Variants in SLC35G2 observed in about 807,000 individuals in gnomAD.
SLC35G2 encodes solute carrier family 35 member G2, also known as transmembrane protein 22.
Under a neutral mutation model 27.2 loss-of-function variants are expected in SLC35G2, and 20 were observed. The observed-to-expected ratio is 0.74, with a 90% confidence interval of 0.52 to 1.07. The LOEUF is 1.07. Among genes scored for constraint, SLC35G2 ranks in the 50% least tolerant of loss-of-function variants. SLC35G2 has a pLI of 0.00. For missense variants in SLC35G2, 416 were observed against 493.3 expected, an observed-to-expected ratio of 0.84 and a Z score of 1.48; for synonymous variants, 148 against 165.3, an observed-to-expected ratio of 0.90 and a Z score of 0.80.
In SLC35G2 at chr3:136,838,284, A is replaced by ATATATATATATAT. The variant is rs1560013705; in HGVS notation, c.-18-16159_-18-16158insTATATATATATAT. On this transcript the variant is annotated intron_variant, in intron 1 of 1. Transcript: ENST00000446465. ...ATATATATATATATATATATATATA[A>ATATATATATATAT]ATGCACACACAACGTGTGTGTGCTT... 1.3e-4 allele frequency: 14 copies of ATATATATATATAT among 109,706 alleles called. 1 individual carries two copies. Among genetic ancestry groups the ATATATATATATAT allele is most frequent in the African/African-American group, 2.1e-4 (6 of 28,048 alleles). 6.8% of individuals were successfully genotyped at this position (109,706 alleles called of 1,614,324 possible). A position where few individuals can be genotyped will look rare whatever the true frequency, so the allele number is the denominator to read the frequency against.
chr3:136,843,892 C>T (rs1937228723), intron 1 of SLC35G2, among the ~76,000 whole-genome samples: 1 of 152,080 alleles, frequency 6.6e-6, no homozygotes, highest in South Asian at 2.1e-4. Context: ...TGAGATTGCC[C>T]CACTGCACTC....
intron 1 of SLC35G2, among the ~76,000 whole-genome samples, chr3:136,832,647 T>G (rs1936758781): frequency 6.6e-6 from 1 of 152,226 alleles, no homozygotes; most frequent in South Asian, 2.1e-4. Context: ...AAATACTGAC[T>G]GAATAAAGGA....
intron 1 of SLC35G2, among the ~76,000 whole-genome samples, chr3:136,831,045 A>G (rs1012588071): frequency 6.6e-6 from 1 of 152,204 alleles, no homozygotes; most frequent in African/African-American, 2.4e-5. Context: ...TACTTTAGGA[A>G]CTCAATGGAG....
chr3:136,852,513 G>T (rs1937706877), intron 1 of SLC35G2, among the ~76,000 whole-genome samples: 1 of 148,280 alleles, frequency 6.7e-6, no homozygotes, highest in Admixed American at 6.7e-5. Flanking sequence ...TTTTTTTTGA[G>T]ATGGAGTCTT....
intron 1 of SLC35G2, among the ~76,000 whole-genome samples, chr3:136,832,078 A>G (rs1936743277): frequency 6.6e-6 from 1 of 151,676 alleles, no homozygotes; most frequent in Admixed American, 6.6e-5. Context: ...CAGTGGCACG[A>G]TCTCGGCTCA....
chr3:136,833,952 T>C (rs1936799362), intron 1 of SLC35G2, among the ~76,000 whole-genome samples: 1 of 151,880 alleles, frequency 6.6e-6, no homozygotes, highest in Non-Finnish European at 1.5e-5. Flanking sequence ...TATACAATGC[T>C]ACTGTATATG....
intron 1 of SLC35G2, among the ~76,000 whole-genome samples, chr3:136,836,994 C>A (rs1936890999): frequency 6.6e-6 from 1 of 152,082 alleles, no homozygotes; most frequent in Admixed American, 6.6e-5. Context: ...CTGTTCAGGT[C>A]AGATTTTTCC....
At chr3:136,841,353 C>G (rs1937088711) in intron 1 of SLC35G2, among the ~76,000 whole-genome samples, 1 of 152,142 alleles carries the variant, frequency 6.6e-6, no homozygotes, top group Non-Finnish European at 1.5e-5. Flanking sequence ...ATAACAAGCT[C>G]ATGGATAGAA....
intron 1 of SLC35G2, among the ~76,000 whole-genome samples, chr3:136,832,868 A>G (rs1271430453): frequency 6.6e-6 from 1 of 152,162 alleles, no homozygotes; most frequent in African/African-American, 2.4e-5. Flanking sequence ...GGAGATCGAC[A>G]CCATCCTGGC....
In SLC35G2 at chr3:136,855,629, G is replaced by C; in HGVS notation, c.1169G>C (p.Gly390Ala). The C allele has an allele frequency of 6.2e-7, 1 of 1,613,572 alleles. No homozygotes were observed. The highest frequency in any genetic ancestry group is 8.5e-7 in the Non-Finnish European group (1 of 1,179,654). ...ATGATTAGTGTTTTTGTCCTTGCTG[G>C]CTATAAACTTTACTGGAGGAATTTA... ...IIMISVFVLA[G>A]YKLYWRNLRK... Residue 390 changes from glycine (G) to alanine (A), a missense_variant, in exon 2 of 2, where the codon GGC (glycine) becomes GCC (alanine). Coordinates refer to ENST00000446465, the MANE Select transcript of SLC35G2 (RefSeq NM_025246.3).
In SLC35G2 at chr3:136,855,421, C is replaced by T. The variant is rs890426120; in HGVS notation, c.961C>T (p.Leu321Phe). The change falls in exon 2 of 2, where the codon CTC (leucine) becomes TTC (phenylalanine). Residue 321 changes from leucine (L) to phenylalanine (F), a missense_variant. By Grantham distance (22) the Leu-to-Phe change is conservative. Transcript: ENST00000446465. ...ATTAGATGGAGAAACCTGGAGTTAT[C>T]TCATTGCTATATGTGTCTGTTCTAC... ...IPLDGETWSY[L>F]IAICVCSTAA... is the part of the protein sequence containing the mutation. The T allele has an allele frequency of 6.2e-7, 1 of 1,614,162 alleles. No individual in the cohort carries two copies. The highest frequency in any genetic ancestry group is 8.5e-7 in the Non-Finnish European group (1 of 1,180,020).
chr3:136,853,888 A>G (rs1937814301), intron 1 of SLC35G2, among the ~76,000 whole-genome samples: 1 of 152,214 alleles, frequency 6.6e-6, no homozygotes, highest in South Asian at 2.1e-4. Flanking sequence ...GAGTGTTACT[A>G]AATTCATGTT....
chr3:136,839,283 T>G (rs1936994799), intron 1 of SLC35G2, among the ~76,000 whole-genome samples: 1 of 152,240 alleles, frequency 6.6e-6, no homozygotes, highest in Admixed American at 6.5e-5. Flanking sequence ...ATACTTGCAT[T>G]CTAGCAAGTT....
rs1936820084 is a variant in SLC35G2, at chr3:136,834,740, C to A, written c.-19+15112C>A. ...GTGTCTAGCTCTGTTGTAAACATAC[C>A]ACACATATTAACTCATGTACTTTTC... On this transcript the variant is annotated intron_variant, in intron 1 of 1. Transcript: ENST00000446465. 2.0e-5 allele frequency among the ~76,000 whole-genome samples: 3 copies of A among 152,088 alleles called. No homozygotes were observed. The South Asian group carries it at 6.2e-4, about 31-fold the overall frequency.
intron 1 of SLC35G2, chr3:136,843,259 C>T (rs1432349630): frequency 1.6e-5 from 2 of 126,868 alleles, no homozygotes; most frequent in Non-Finnish European, 3.2e-5. Flanking sequence ...GGAGGCGGAG[C>T]TTGCAGTGAG....
chr3:136,821,695 G>A (rs1241226562), intron 1 of SLC35G2, among the ~76,000 whole-genome samples: 2 of 152,192 alleles, frequency 1.3e-5, no homozygotes, highest in Non-Finnish European at 2.9e-5. Context: ...GCTTCCCAAA[G>A]TGCCAGGATT....
chr3:136,854,842 C>A lies in SLC35G2; in HGVS notation c.382C>A (p.Arg128=). Reference sequence around the variant, plus strand: ...TCTTATCACTAGGCTTGTTTCTGATCGGTCTAAAGTTCCATCTCTAGAACT... The same window carrying A: ...TCTTATCACTAGGCTTGTTTCTGATAGGTCTAAAGTTCCATCTCTAGAACT... ...VALITRLVSD[R]SKVPSLELIF... The change falls in exon 2 of 2, where the codon CGG becomes AGG. Residue 128 remains arginine (R), a synonymous_variant. Transcript: ENST00000446465. 1 of 1,614,184 alleles carries A rather than the reference C, an allele frequency of 6.2e-7. No homozygotes were observed. Among genetic ancestry groups the A allele is most frequent in the Non-Finnish European group, 8.5e-7 (1 of 1,180,026 alleles).
Position 136,826,273 on chromosome 3 carries a change from G to A in SLC35G2, c.-19+6645G>A, listed in dbSNP as rs867525856. Among the ~76,000 whole-genome samples the A allele has an allele frequency of 1.9e-3, 282 of 151,940 alleles. 1 individual carries two copies. Among genetic ancestry groups the A allele is most frequent in the African/African-American group, 5.7e-3 (238 of 41,416 alleles). On this transcript the variant is annotated intron_variant, in intron 1 of 1. Coordinates refer to ENST00000446465, the MANE Select transcript of SLC35G2 (RefSeq NM_025246.3). ...AGGATGGTCTTGATCTCCTGACCTC[G>A]TGATCCGCCTGTCTCGGCCTCCCAA...
chr3:136,849,879 CG>C (rs1937570320), intron 1 of SLC35G2, among the ~76,000 whole-genome samples: 1 of 150,992 alleles, frequency 6.6e-6, no homozygotes, highest in South Asian at 2.1e-4. Flanking sequence ...CCGCGGCGGG[CG>C]GATCACTTGA....
Sources: gnomAD v4.1 joint callset for allele counts (sites outside exome capture counted in the v4.1 genomes callset) on GRCh38, gnomAD v4.1.1 for gene constraint, MANE v1.5 for transcripts, NCBI Gene and HGNC (gene_info 2026-07-23, HGNC 2026-07-21) for gene names.